The following ADGB variants were observed in gnomAD, a reference collection of about 807,000 sequenced individuals.
ADGB encodes the protein calpain-7-like protein.
ADGB carries 172 observed loss-of-function variants against 210.5 expected under a neutral mutation model. That is an observed-to-expected ratio of 0.82 (90% CI 0.72 to 0.93). The LOEUF (loss-of-function observed/expected upper bound fraction) is 0.93. Among genes scored for constraint, ADGB ranks in the 40% least tolerant of loss-of-function variants. The probability of loss-of-function intolerance (pLI) is 0.00; values close to 1 mark genes in which losing one functional copy is unlikely to be tolerated. For missense variants in ADGB, 2,025 were observed against 1,964.8 expected (o/e 1.03, Z -0.58); for synonymous variants, 658 against 662.7 (o/e 0.99, Z 0.11).
chr6:146,762,883 A>C (rs142792040), intron 27 of ADGB, among the ~76,000 whole-genome samples: 51 of 152,292 alleles, frequency 3.3e-4, no homozygotes, highest in African/African-American at 1.2e-3. Flanking sequence ...CATTAAGCTC[A>C]CAGCCCCCCA....
At chr6:146,689,445 G>A (rs1270336807) in intron 10 of ADGB, among the ~76,000 whole-genome samples, 3 of 152,004 alleles carry the variant, frequency 2.0e-5, no homozygotes, top group African/African-American at 7.2e-5. Context: ...TTAGTACTTT[G>A]GCAGATTATT....
chr6:146,637,088 T>A (rs957389236), intron 2 of ADGB, among the ~76,000 whole-genome samples: 1 of 151,980 alleles, frequency 6.6e-6, no homozygotes, highest in Non-Finnish European at 1.5e-5. Flanking sequence ...AAAAATAATG[T>A]GGAAAGATTA....
rs1200205844 is a variant in ADGB at position 146,801,879 on chromosome 6, G to A, written c.4686G>A (p.Gln1562=). Residue 1562 remains glutamine, a synonymous_variant, in exon 35 of 36, where the codon CAG becomes CAA. Transcript: ENST00000397944. ...LLQTDELNQQ[Q]AMQKAEEIHQ... ...AAACAGATGAATTGAATCAGCAGCA[G>A]GCAATGCAAAAGGCGGAAGAAATTC... 1 of 1,550,572 alleles carries A rather than the reference G, an allele frequency of 6.4e-7. No individual in the cohort carries two copies. The highest frequency in any genetic ancestry group is 8.7e-7 in the Non-Finnish European group (1 of 1,146,542).
chr6:146,736,008 G>T (rs1777073826), intron 22 of ADGB, among the ~76,000 whole-genome samples: 1 of 152,138 alleles, frequency 6.6e-6, no homozygotes, highest in African/African-American at 2.4e-5. Flanking sequence ...GAAAAAGAAT[G>T]TTAGTTTCTG....
chr6:146,656,929 T>C lies in ADGB; in HGVS notation c.561T>C (p.His187=), dbSNP rs1361909979. The change falls in exon 5 of 36, where the codon CAT becomes CAC. Residue 187 remains histidine (H), a synonymous_variant. Coordinates refer to ENST00000397944, the MANE Select transcript of ADGB (RefSeq NM_024694.4). The part of the protein sequence containing the change: ...IYSLCKAVKG[H]MPLFNSYGKY... Reference sequence around the variant, plus strand: ...CTCTGTGCAAGGCTGTGAAGGGTCATATGCCTTTGTTCAATAGCTATGGAA... The same window carrying C: ...CTCTGTGCAAGGCTGTGAAGGGTCACATGCCTTTGTTCAATAGCTATGGAA... The C allele has an allele frequency of 9.0e-6, 14 of 1,551,502 alleles. No homozygotes were observed. Among genetic ancestry groups the C allele is most frequent in the South Asian group, 1.2e-5 (1 of 84,064 alleles).
chr6:146,734,088 G>A (rs543442368), intron 22 of ADGB, 58 bp downstream of exon 22: 37 of 1,492,924 alleles, frequency 2.5e-5, no homozygotes, highest in Non-Finnish European at 3.2e-5. Flanking sequence ...AAATATTTAT[G>A]TGTGTTAATG....
intron 1 of ADGB, among the ~76,000 whole-genome samples, chr6:146,629,721 T>A (rs527443262): frequency 7.2e-5 from 11 of 152,144 alleles, no homozygotes; most frequent in Non-Finnish European, 1.0e-4. Context: ...AACAGAGATA[T>A]TGTAATATGC....
At chr6:146,755,834 C>A (rs918764010) in intron 27 of ADGB, among the ~76,000 whole-genome samples, 6 of 151,984 alleles carry the variant, frequency 3.9e-5, no homozygotes, top group African/African-American at 1.2e-4. Flanking sequence ...CCTTCCTGAA[C>A]CTTTTCCCCA....
chr6:146,657,944 C>A (rs1280225948), intron 5 of ADGB, among the ~76,000 whole-genome samples: 1 of 152,200 alleles, frequency 6.6e-6, no homozygotes, highest in Non-Finnish European at 1.5e-5. Flanking sequence ...AATGCTAGAT[C>A]ATATCAAACT....
chr6:146,668,905 G>A (rs1282636507), intron 7 of ADGB, among the ~76,000 whole-genome samples: 1 of 152,080 alleles, frequency 6.6e-6, no homozygotes, highest in Non-Finnish European at 1.5e-5. Context: ...TTGTTGGCAC[G>A]TGTCTCTGAT....
chr6:146,806,800 A>G (rs1264085789), intron 35 of ADGB, among the ~76,000 whole-genome samples: 1 of 152,250 alleles, frequency 6.6e-6, no homozygotes, highest in Non-Finnish European at 1.5e-5. Context: ...GCAGCTGGTG[A>G]GACAGAAGAC....
chr6:146,662,447 T>C (rs542333890), intron 5 of ADGB, among the ~76,000 whole-genome samples: 1 of 152,274 alleles, frequency 6.6e-6, no homozygotes, highest in East Asian at 1.9e-4. Flanking sequence ...AGTTTAATTT[T>C]AAGCTTAAAA....
At chr6:146,660,464 C>T (rs1775840044) in intron 5 of ADGB, among the ~76,000 whole-genome samples, 1 of 152,032 alleles carries the variant, frequency 6.6e-6, no homozygotes, top group African/African-American at 2.4e-5. Flanking sequence ...TTCTTCTATT[C>T]TTATAAACAT....
At chr6:146,726,824 T>C (rs2114578345) in intron 19 of ADGB, among the ~76,000 whole-genome samples, 1 of 152,298 alleles carries the variant, frequency 6.6e-6, no homozygotes, top group East Asian at 1.9e-4. Flanking sequence ...ATCAGTGCAG[T>C]CCTTTTTAAT....
Position 146,672,343 on chromosome 6 carries a change from G to A in ADGB, c.963G>A (p.Gly321=). 6.4e-7 allele frequency: 1 copy of A among 1,551,356 alleles called. No individual in the cohort carries two copies. The highest frequency in any genetic ancestry group is 8.7e-7 in the Non-Finnish European group (1 of 1,146,786). The part of the protein sequence containing the change: ...AVLDSKLKEP[G]KEGKEGKEIK... ...TAGATTCTAAATTAAAAGAACCAGG[G>A]AAAGAAGGGAAGGAGGGAAAAGAAA... The change falls in exon 8 of 36, where the codon GGG becomes GGA. Residue 321 remains glycine, a synonymous_variant. Transcript: ENST00000397944.
At chr6:146,742,725 T>C (rs1477172202) in intron 25 of ADGB, among the ~76,000 whole-genome samples, 3 of 152,212 alleles carry the variant, frequency 2.0e-5, no homozygotes, top group African/African-American at 7.2e-5. Flanking sequence ...AATTTCCTTT[T>C]ATACTATATT....
intron 30 of ADGB, 96 bp downstream of exon 30, chr6:146,782,288 A>G (rs1777813121): frequency 5.1e-6 from 6 of 1,172,010 alleles, no homozygotes; most frequent in Non-Finnish European, 6.9e-6. Flanking sequence ...ACCGTGAAAC[A>G]TTCTTTCTCC....
intron 35 of ADGB, among the ~76,000 whole-genome samples, chr6:146,810,790 G>A (rs1367004394): frequency 6.6e-6 from 1 of 152,124 alleles, no homozygotes; most frequent in Non-Finnish European, 1.5e-5. Flanking sequence ...GGTTACCAGA[G>A]ACTTAGGGGT....
At position 146,749,075 on chromosome 6, in the gene ADGB, T is replaced by A. The variant is rs6899929; in HGVS notation, c.3365+2966T>A. Reference sequence around the variant, plus strand: ...TTCAACCCACAACAGGCAGTGACAGTGAATCTGGAGAGAAGAAAAAGGATT... The same window carrying A: ...TTCAACCCACAACAGGCAGTGACAGAGAATCTGGAGAGAAGAAAAAGGATT... On this transcript the variant is annotated intron_variant, in intron 26 of 35. Transcript: ENST00000397944. 6.3e-3 allele frequency among the ~76,000 whole-genome samples: 962 copies of A among 152,172 alleles called. 6 individuals are homozygous for A. The highest frequency in any genetic ancestry group is 0.022 in the African/African-American group (908 of 41,504).
Sources: allele counts gnomAD v4.1 joint callset (sites outside exome capture counted in the v4.1 genomes callset), GRCh38; gene constraint gnomAD v4.1.1; transcripts MANE v1.5; gene names NCBI Gene and HGNC (gene_info 2026-07-23, HGNC 2026-07-21).